The following PHF3 variants were observed in gnomAD, a reference collection of about 807,000 sequenced individuals.
PHF3 encodes the protein PHD finger protein 3.
PHF3 carries 41 observed loss-of-function variants against 178.4 expected under a neutral mutation model. That is an observed-to-expected ratio of 0.23 (90% CI 0.18 to 0.30). PHF3 has a LOEUF of 0.30. Ranked by LOEUF, PHF3 falls within the 10% of genes least tolerant of loss-of-function variation. The probability of loss-of-function intolerance (pLI) is 1.00; values close to 1 mark genes in which losing one functional copy is unlikely to be tolerated. For synonymous variants in PHF3, 842 were observed against 800.5 expected, an observed-to-expected ratio of 1.05 and a Z score of -0.88; for missense variants, 2,346 against 2,398.1, an observed-to-expected ratio of 0.98 and a Z score of 0.45.
chr6:63,713,410 A>G lies in PHF3; in HGVS notation c.5822A>G (p.Gln1941Arg). 1 of 1,614,044 alleles carries G rather than the reference A, an allele frequency of 6.2e-7. No homozygotes were observed. The highest frequency in any genetic ancestry group is 1.3e-5 in the African/African-American group (1 of 75,034). ...GAGCGACATGAAAAGGAATGGGAGC[A>G]AGAATCTGAAAGGCATAGACGCAGA... Reference protein sequence around the residue: ...KRERHEKEWEQESERHRRRDR... With the variant: ...KRERHEKEWERESERHRRRDR... The change falls in exon 16 of 16, where the codon CAA (glutamine) becomes CGA (arginine). Residue 1941 changes from glutamine to arginine, a missense_variant. Coordinates refer to ENST00000262043, the MANE Select transcript of PHF3 (RefSeq NM_001370348.2).
At chr6:63,691,335 G>A (rs1766990340) in intron 4 of PHF3, among the ~76,000 whole-genome samples, 2 of 152,068 alleles carry the variant, frequency 1.3e-5, no homozygotes, top group African/African-American at 2.4e-5. Context: ...GTAGGTAGCT[G>A]TAACTTTGAT....
chr6:63,711,823 A>T lies in PHF3; in HGVS notation c.4235A>T (p.Lys1412Ile). The change falls in exon 16 of 16, where the codon AAA becomes ATA. Residue 1412 changes from lysine to isoleucine, a missense_variant. Transcript: ENST00000262043. ...FTTVLHKQRNKPQQNLQEDLP... is the reference protein window; with the variant it reads ...FTTVLHKQRNIPQQNLQEDLP... ...ACTGTATTACACAAGCAGAGAAATAAACCTCAGCAGAATCTTCAGGAAGAC... is the reference window on the plus strand; with the variant it reads ...ACTGTATTACACAAGCAGAGAAATATACCTCAGCAGAATCTTCAGGAAGAC... The T allele has an allele frequency of 6.2e-7, 1 of 1,614,022 alleles. No homozygotes were observed. Among genetic ancestry groups the T allele is most frequent in the East Asian group, 2.2e-5 (1 of 44,878 alleles).
At chr6:63,642,141 C>CA (rs1443605610) in intron 1 of PHF3, among the ~76,000 whole-genome samples, 3 of 152,074 alleles carry the variant, frequency 2.0e-5, no homozygotes, top group Non-Finnish European at 4.4e-5. Context: ...AAATTAGTAC[C>CA]AATTATTTTT....
intron 2 of PHF3, among the ~76,000 whole-genome samples, chr6:63,658,706 TTTTGTGTGTGTGTG>T (rs1413243548): frequency 8.4e-6 from 1 of 119,548 alleles, no homozygotes; most frequent in African/African-American, 3.4e-5. Flanking sequence ...AACCAATAGA[TTTTGTGTGTGTGTG>T]TGTGTGTGTG....
intron 2 of PHF3, among the ~76,000 whole-genome samples, chr6:63,672,688 C>T (rs933382406): frequency 1.3e-5 from 2 of 152,048 alleles, no homozygotes; most frequent in Non-Finnish European, 2.9e-5. Flanking sequence ...GAGAAGGACT[C>T]TACTTCTATA....
intron 2 of PHF3, among the ~76,000 whole-genome samples, chr6:63,663,722 T>C (rs1187828830): frequency 6.6e-6 from 1 of 152,070 alleles, no homozygotes; most frequent in Non-Finnish European, 1.5e-5. Flanking sequence ...AAGAAAGAAA[T>C]TGCAGTAGCT....
chr6:63,653,182 GTTTTT>G (rs903657101), intron 2 of PHF3, among the ~76,000 whole-genome samples: 2 of 105,370 alleles, frequency 1.9e-5, no homozygotes, highest in East Asian at 5.6e-4. Context: ...TCTGTGTATT[GTTTTT>G]TTTGTGTGGT....
chr6:63,697,933 T>G (rs1408910232), intron 6 of PHF3, among the ~76,000 whole-genome samples: 1 of 152,186 alleles, frequency 6.6e-6, no homozygotes, highest in Non-Finnish European at 1.5e-5. Context: ...TCCTAATAAG[T>G]TCAGATCAAA....
In PHF3 at chr6:63,715,109, T is replaced by C. The variant is rs1008368435; in HGVS notation, c.*1401T>C. The C allele has an allele frequency of 3.9e-5, 6 of 152,114 alleles. No individual in the cohort carries two copies. Among genetic ancestry groups the C allele is most frequent in the Non-Finnish European group, 5.9e-5 (4 of 68,006 alleles). The allele number at this position is 152,114 out of a possible 1,614,324, so 9.4% of individuals were successfully genotyped here. On this transcript the variant is annotated 3_prime_UTR_variant, in exon 16 of 16. Coordinates refer to ENST00000262043, the MANE Select transcript of PHF3 (RefSeq NM_001370348.2). ...TTGTTTTCCTAAAGAGCTTAAAGAT[T>C]AGAGTTAAAAATTGGTTTTGAAACA...
At chr6:63,643,629 GAATA>G (rs1458967050) in intron 1 of PHF3, among the ~76,000 whole-genome samples, 4 of 152,120 alleles carry the variant, frequency 2.6e-5, no homozygotes, top group Admixed American at 6.6e-5. Context: ...AACATTTGAT[GAATA>G]AATAAACGGT....
chr6:63,680,880 T>TC (rs1281811238), intron 3 of PHF3, among the ~76,000 whole-genome samples: 1 of 152,098 alleles, frequency 6.6e-6, no homozygotes, highest in African/African-American at 2.4e-5. Flanking sequence ...TGTTCAGGGA[T>TC]CTCCCTTTAC....
intron 9 of PHF3, among the ~76,000 whole-genome samples, chr6:63,701,422 A>G (rs1480401810): frequency 1.3e-5 from 2 of 152,208 alleles, no homozygotes; most frequent in Non-Finnish European, 2.9e-5. Flanking sequence ...AGGTATTTAA[A>G]GTACCTTTAA....
intron 2 of PHF3, among the ~76,000 whole-genome samples, chr6:63,658,537 CCCTCTCCGTTGTTA>C (rs1369518177): frequency 1.3e-5 from 2 of 152,042 alleles, no homozygotes; most frequent in Non-Finnish European, 2.9e-5. Context: ...GATTTTGGAA[CCCTCTCCGTTGTTA>C]CCTTGATGTT....
intron 1 of PHF3, among the ~76,000 whole-genome samples, chr6:63,643,834 A>C (rs1361371913): frequency 6.6e-6 from 1 of 152,196 alleles, no homozygotes; most frequent in Non-Finnish European, 1.5e-5. Flanking sequence ...ATCTTCAAGA[A>C]ATATATTACA....
chr6:63,665,405 A>G (rs1561950475), intron 2 of PHF3, among the ~76,000 whole-genome samples: 1 of 151,284 alleles, frequency 6.6e-6, no homozygotes, highest in Admixed American at 6.6e-5. Context: ...GAATTAATGG[A>G]TAATTTTTTT....
In PHF3 at chr6:63,698,588, A is replaced by G; in HGVS notation, c.2965A>G (p.Lys989Glu). 1 of 1,571,576 alleles carries G rather than the reference A, an allele frequency of 6.4e-7. No individual in the cohort carries two copies. Among genetic ancestry groups the G allele is most frequent in the East Asian group, 2.2e-5 (1 of 44,464 alleles). Residue 989 changes from lysine to glutamate, a missense_variant, in exon 8 of 16, where the codon AAA becomes GAA. This residue lies in a region of PHF3 where 45 missense variants were observed against 87.9 expected (regional missense o/e 0.51). Transcript: ENST00000262043. ...NKYRSLMFNLKDPKNNILFKK... is the reference protein window; with the variant it reads ...NKYRSLMFNLEDPKNNILFKK... ...ATATAGAAGTTTGATGTTTAATTTG[A>G]AAGATCCTAAAAACAATGTAAGTAT...
At position 63,718,961 on chromosome 6, in the gene PHF3, G is replaced by T. The variant is rs922932579; in HGVS notation, c.*5253G>T. On this transcript the variant is annotated 3_prime_UTR_variant, in exon 16 of 16. Transcript: ENST00000262043. ...CCAAAGTTAAATGCAATAGTATGGAGCAATACCAGTTTAGGTCACAGTTTT... is the reference window on the plus strand; with the variant it reads ...CCAAAGTTAAATGCAATAGTATGGATCAATACCAGTTTAGGTCACAGTTTT... 3.9e-5 allele frequency among the ~76,000 whole-genome samples: 6 copies of T among 151,970 alleles called. No homozygotes were observed. The highest frequency in any genetic ancestry group is 3.9e-4 in the Admixed American group (6 of 15,202).
At chr6:63,686,568 T>C (rs1409939896) in intron 4 of PHF3, among the ~76,000 whole-genome samples, 1 of 152,160 alleles carries the variant, frequency 6.6e-6, no homozygotes, top group Non-Finnish European at 1.5e-5. Context: ...CATCATTCTT[T>C]CTAGTATTCA....
rs1318496719 is a variant in PHF3 at position 63,646,661 on chromosome 6, G to A, written c.110G>A (p.Ser37Asn). The A allele has an allele frequency of 6.2e-7, 1 of 1,613,900 alleles. No homozygotes were observed. Among genetic ancestry groups the A allele is most frequent in the African/African-American group, 1.3e-5 (1 of 74,986 alleles). The change falls in exon 2 of 16, where the codon AGT becomes AAT. Residue 37 changes from serine to asparagine, a missense_variant. By Grantham distance (46) the Ser-to-Asn change is conservative. Transcript: ENST00000262043. Reference sequence around the variant, plus strand: ...GAAGTCTGTGAGGATTTTAGTGCAAGTCAAAATGTCTTAGAGGACTCGCTG... The same window carrying A: ...GAAGTCTGTGAGGATTTTAGTGCAAATCAAAATGTCTTAGAGGACTCGCTG... The part of the protein sequence containing the change: ...ENEVCEDFSA[S>N]QNVLEDSLKN...
Sources: allele counts gnomAD v4.1 joint callset (sites outside exome capture counted in the v4.1 genomes callset), GRCh38; gene constraint gnomAD v4.1.1; regional missense constraint gnomAD v4.1.1; transcripts MANE v1.5; gene names NCBI Gene and HGNC (gene_info 2026-07-23, HGNC 2026-07-21).